CMSS1: variants seen among roughly 807,000 people sequenced by gnomAD.
CMSS1 encodes cms1 ribosomal small subunit homolog, also known as protein CMSS1.
A neutral mutation model predicts 43.5 loss-of-function variants in CMSS1; 33 were observed. The ratio of observed to expected loss-of-function variants is 0.76; its 90% confidence interval spans 0.57 to 1.01. The LOEUF (loss-of-function observed/expected upper bound fraction) is 1.01, where lower values mean the gene tolerates loss of function less well. Ranked by LOEUF, CMSS1 falls within the 50% of genes least tolerant of loss-of-function variation. The probability of loss-of-function intolerance (pLI) is 0.00; values close to 1 mark genes in which losing one functional copy is unlikely to be tolerated. For missense variants in CMSS1, 313 were observed against 326.4 expected, an observed-to-expected ratio of 0.96 and a Z score of 0.32; for synonymous variants, 115 against 117.2, an observed-to-expected ratio of 0.98 and a Z score of 0.12.
At chr3:99,848,875 G>A in intron 1 of CMSS1, 1 of 1,614,130 alleles carries the variant, frequency 6.2e-7, no homozygotes, top group Non-Finnish European at 8.5e-7. Flanking sequence ...CGGTATCACT[G>A]CAGTACTCGT....
intron 1 of CMSS1, among the ~76,000 whole-genome samples, chr3:100,010,402 T>TATAG (rs1250069221): frequency 3.3e-5 from 5 of 152,098 alleles, no homozygotes; most frequent in African/African-American, 1.2e-4. Flanking sequence ...CCTGCCTCTT[T>TATAG]ATAGCTATTG....
At chr3:99,940,867 C>T (rs987946253) in intron 1 of CMSS1, among the ~76,000 whole-genome samples, 7 of 152,188 alleles carry the variant, frequency 4.6e-5, no homozygotes, top group Non-Finnish European at 7.3e-5. Flanking sequence ...TACATTCCAA[C>T]GTGAGGTCTT....
chr3:100,131,349 T>G (rs1216629003), intron 1 of CMSS1, among the ~76,000 whole-genome samples: 1 of 152,132 alleles, frequency 6.6e-6, no homozygotes, highest in Non-Finnish European at 1.5e-5. Context: ...TTCAAATGAG[T>G]GATAAACGAT....
chr3:99,957,693 C>CTCTTTTTTTTTTTT (rs1708364535), intron 1 of CMSS1, among the ~76,000 whole-genome samples: 1 of 19,894 alleles, frequency 5.0e-5, no homozygotes, highest in East Asian at 8.8e-4. Flanking sequence ...TTCTTTCTTT[C>CTCTTTTTTTTTTTT]TTTTTTTTTT....
intron 1 of CMSS1, among the ~76,000 whole-genome samples, chr3:99,876,549 A>G (rs1705535051): frequency 6.6e-6 from 1 of 152,182 alleles, no homozygotes; most frequent in Admixed American, 6.5e-5. Flanking sequence ...ACTTTTGTAA[A>G]TTCATTATAC....
rs34763458 is a variant in CMSS1 at position 100,147,002 on chromosome 3, A to G, written c.94A>G (p.Thr32Ala). 1.2e-6 allele frequency: 2 copies of G among 1,613,768 alleles called. No homozygotes were observed. Among genetic ancestry groups the G allele is most frequent in the Non-Finnish European group, 1.7e-6 (2 of 1,179,810 alleles). The change falls in exon 2 of 10, where the codon ACA (threonine) becomes GCA (alanine). Residue 32 changes from threonine (T) to alanine (A), a missense_variant. Physicochemically the swap from Thr to Ala is moderately conservative, Grantham distance 58 (BLOSUM62 0). Coordinates refer to ENST00000421999, the MANE Select transcript of CMSS1 (RefSeq NM_032359.4). ...ATCAGATGGTGAAGGAGAAGGAGACACAGAAGTGATGCAGCAGGAGACAGT... is the reference window on the plus strand; with the variant it reads ...ATCAGATGGTGAAGGAGAAGGAGACGCAGAAGTGATGCAGCAGGAGACAGT... ...EASDGEGEGD[T>A]EVMQQETVPV...
At chr3:99,966,090 G>A (rs747302017) in intron 1 of CMSS1, among the ~76,000 whole-genome samples, 5 of 152,208 alleles carry the variant, frequency 3.3e-5, no homozygotes, top group African/African-American at 4.8e-5. Context: ...AACACAGAAA[G>A]TGATATTTAC....
chr3:99,841,192 A>G (rs988358016), intron 1 of CMSS1, among the ~76,000 whole-genome samples: 1 of 152,226 alleles, frequency 6.6e-6, no homozygotes, highest in African/African-American at 2.4e-5. Flanking sequence ...TTGCATAAGG[A>G]TCGTTTCCAC....
intron 1 of CMSS1, among the ~76,000 whole-genome samples, chr3:100,133,545 GTT>G (rs898882524): frequency 2.0e-5 from 3 of 152,092 alleles, no homozygotes; most frequent in African/African-American, 7.2e-5. Context: ...GTAAAAAAAG[GTT>G]TTTAAAAATT....
At chr3:100,057,796 C>T (rs945965663) in intron 1 of CMSS1, among the ~76,000 whole-genome samples, 9 of 152,204 alleles carry the variant, frequency 5.9e-5, no homozygotes, top group Admixed American at 6.5e-5. Flanking sequence ...GGAAAAATCA[C>T]TCAAACCCTA....
At chr3:100,089,920 G>A (rs2066074590) in intron 1 of CMSS1, among the ~76,000 whole-genome samples, 1 of 152,184 alleles carries the variant, frequency 6.6e-6, no homozygotes. Context: ...AATTGACTCA[G>A]ATGATCTCTA....
At chr3:100,021,960 T>TGTGTGAGAGAGAGAGAGAGAGA (rs1321185364) in intron 1 of CMSS1, among the ~76,000 whole-genome samples, 1 of 93,290 alleles carries the variant, frequency 1.1e-5, no homozygotes, top group African/African-American at 4.0e-5. Context: ...TGTGTGTGTG[T>TGTGTGAGAGAGAGAGAGAGAGA]GAGAGAGAGA....
At chr3:100,084,380 T>G (rs1025743519) in intron 1 of CMSS1, among the ~76,000 whole-genome samples, 1 of 152,196 alleles carries the variant, frequency 6.6e-6, no homozygotes, top group Non-Finnish European at 1.5e-5. Flanking sequence ...CTAGTTAATT[T>G]GGACCTAAAT....
intron 1 of CMSS1, among the ~76,000 whole-genome samples, chr3:100,062,366 C>T (rs1190502668): frequency 1.3e-5 from 2 of 152,026 alleles, no homozygotes; most frequent in African/African-American, 4.8e-5. Flanking sequence ...CCGTCTCGGC[C>T]TCTCAAAGTG....
intron 1 of CMSS1, among the ~76,000 whole-genome samples, chr3:100,091,494 G>T (rs2066109273): frequency 6.6e-6 from 1 of 152,212 alleles, no homozygotes. Flanking sequence ...GATGCATGCT[G>T]ATAAATGCTT....
At chr3:100,161,860 G>T (rs998949075) in intron 3 of CMSS1, among the ~76,000 whole-genome samples, 1 of 152,030 alleles carries the variant, frequency 6.6e-6, no homozygotes. Flanking sequence ...TTCCTACTGC[G>T]GGTTTTACAC....
intron 1 of CMSS1, among the ~76,000 whole-genome samples, chr3:99,974,219 T>C (rs1708902747): frequency 6.6e-6 from 1 of 152,250 alleles, no homozygotes; most frequent in Non-Finnish European, 1.5e-5. Context: ...GAAGGACTTG[T>C]CGTTTTTATC....
chr3:99,896,552 G>T (rs982254492), intron 1 of CMSS1, among the ~76,000 whole-genome samples: 2 of 152,148 alleles, frequency 1.3e-5, no homozygotes, highest in Non-Finnish European at 2.9e-5. Context: ...CAGGAAATAG[G>T]ACCCTTTATT....
At chr3:100,122,775 A>C (rs1296460947) in intron 1 of CMSS1, among the ~76,000 whole-genome samples, 1 of 152,202 alleles carries the variant, frequency 6.6e-6, no homozygotes, top group Non-Finnish European at 1.5e-5. Flanking sequence ...CCATTCTCTC[A>C]GCTTCTTAAG....
Sources: allele counts gnomAD v4.1 joint callset (sites outside exome capture counted in the v4.1 genomes callset), GRCh38; gene constraint gnomAD v4.1.1; transcripts MANE v1.5; gene names NCBI Gene and HGNC (gene_info 2026-07-23, HGNC 2026-07-21).